The following PNISR variants were observed in gnomAD, a reference collection of about 807,000 sequenced individuals.
PNISR encodes the protein arginine/serine-rich protein PNISR.
In PNISR, 20 loss-of-function variants were observed where a neutral mutation model predicts 93.4. The observed-to-expected ratio is 0.21, with a 90% CI of 0.15 to 0.31. PNISR has a LOEUF of 0.31. Ranked by LOEUF, PNISR falls within the 10% of genes least tolerant of loss-of-function variation. The pLI, the probability that PNISR is intolerant of heterozygous loss-of-function variation, is 1.00. For missense variants in PNISR, 893 were observed against 985.4 expected (o/e 0.91, Z 1.25); for synonymous variants, 305 against 306.5 (o/e 0.99, Z 0.05).
At chr6:99,415,538 A>C (rs1412578629) in intron 2 of PNISR, 1 of 152,156 alleles carries the variant, frequency 6.6e-6, no homozygotes, top group Non-Finnish European at 1.5e-5. Flanking sequence ...TAGTCTGAAA[A>C]CATTCCTAAT....
chr6:99,414,616 T>C lies in PNISR; in HGVS notation c.44A>G (p.Asn15Ser), dbSNP rs1159309291. 2 of 1,609,128 alleles carry C rather than the reference T, an allele frequency of 1.2e-6. No individual in the cohort carries two copies. The highest frequency in any genetic ancestry group is 2.2e-5 in the East Asian group (1 of 44,730). Residue 15 changes from asparagine to serine, a missense_variant, in exon 3 of 12, where the codon AAC becomes AGC. Physicochemically the swap from Asn to Ser is conservative, Grantham distance 46 (BLOSUM62 1). Around this residue, in one of 3 missense-constraint regions of PNISR, gnomAD observed 24 missense variants for 32.9 expected, o/e 0.73. Transcript: ENST00000369239. ...GAATGACTGCATCCATTGTTGCTGG[T>C]TCAAGGGCCACTGCTGCCAAGGCTG... Reference protein sequence around the residue: ...GGQPWQQWPLNQQQWMQSFQH... With the variant: ...GGQPWQQWPLSQQQWMQSFQH...
At chr6:99,422,826 A>G (rs1778744275) in intron 1 of PNISR, among the ~76,000 whole-genome samples, 1 of 136,574 alleles carries the variant, frequency 7.3e-6, no homozygotes. Flanking sequence ...ATGAGCCAAG[A>G]TTGTGCCACC....
chr6:99,400,591 C>G lies in PNISR; in HGVS notation c.2367G>C (p.Arg789Ser). Reference sequence around the variant, plus strand: ...GTTTGCGGCTTGCCTTCTTACCAGACCTTTGAGATTTCTCCACGGATCGCG... The same window carrying G: ...GTTTGCGGCTTGCCTTCTTACCAGAGCTTTGAGATTTCTCCACGGATCGCG... ...SRSRSVEKSQ[R>S]SGKKASRKHK... Residue 789 changes from arginine (R) to serine (S), a missense_variant, in exon 12 of 12, where the codon AGG becomes AGC. Physicochemically the swap from Arg to Ser is moderately radical, Grantham distance 110 (BLOSUM62 -1). Around this residue, in one of 3 missense-constraint regions of PNISR, gnomAD observed 866 missense variants for 935.1 expected, o/e 0.93. Coordinates refer to ENST00000369239, the MANE Select transcript of PNISR (RefSeq NM_032870.4). 6.2e-7 allele frequency: 1 copy of G among 1,614,006 alleles called. No homozygotes were observed. Among genetic ancestry groups the G allele is most frequent in the Non-Finnish European group, 8.5e-7 (1 of 1,179,980 alleles).
In PNISR at chr6:99,400,343, A is replaced by G. The variant is rs1026926398; in HGVS notation, c.*197T>C. ...AAAAAGGGAAAAGACAAAATTTAAA[A>G]ATAAAAATGTATTTTAAATTAAAAA... On this transcript the variant is annotated 3_prime_UTR_variant, in exon 12 of 12. Transcript: ENST00000369239. 12 of 1,168,722 alleles carry G rather than the reference A, an allele frequency of 1.0e-5. No homozygotes were observed. The highest frequency in any genetic ancestry group is 1.6e-5 in the African/African-American group (1 of 63,054). 72.4% of individuals were successfully genotyped at this position (1,168,722 alleles called of 1,614,324 possible).
At chr6:99,421,225 G>A (rs1778510843) in intron 1 of PNISR, among the ~76,000 whole-genome samples, 1 of 152,116 alleles carries the variant, frequency 6.6e-6, no homozygotes, top group African/African-American at 2.4e-5. Flanking sequence ...AACAAATGGG[G>A]TCTGGGAAGA....
At chr6:99,415,312 TTTTGGA>T in intron 2 of PNISR, 1 of 152,292 alleles carries the variant, frequency 6.6e-6, no homozygotes, top group South Asian at 2.1e-4. Flanking sequence ...CCAACTGAGC[TTTTGGA>T]TTTTACTTCC....
chr6:99,422,028 GATA>G (rs1778633886), intron 1 of PNISR, among the ~76,000 whole-genome samples: 1 of 152,030 alleles, frequency 6.6e-6, no homozygotes, highest in Admixed American at 6.6e-5. Context: ...ACCGCGCGAG[GATA>G]ATGTTTGTAT....
rs1776408744 is a variant in PNISR at position 99,408,269 on chromosome 6, C to T, written c.676G>A (p.Ala226Thr). 3.1e-6 allele frequency: 5 copies of T among 1,595,376 alleles called. No individual in the cohort carries two copies. Among genetic ancestry groups the T allele is most frequent in the African/African-American group, 1.4e-5 (1 of 73,840 alleles). ...PVKQEPPQID[A>T]VKRRTLPAWI... is the part of the protein sequence containing the mutation. ...GCGGGAAGAGTCCTGCGTTTTACTG[C>T]GTCTGTTTCACGTGGGAAAAATATA... The change falls in exon 7 of 12, where the codon GCA (alanine) becomes ACA (threonine). Residue 226 changes from alanine (A) to threonine (T), a missense_variant and splice_region_variant. Ala to Thr is a moderately conservative substitution (Grantham distance 58, BLOSUM62 0). Around this residue, in one of 3 missense-constraint regions of PNISR, gnomAD observed 866 missense variants for 935.1 expected, o/e 0.93. Coordinates refer to ENST00000369239, the MANE Select transcript of PNISR (RefSeq NM_032870.4).
At chr6:99,408,310 T>C (rs1274189019) in intron 6 of PNISR, 39 bp from the exon 7 acceptor site, 2 of 1,385,390 alleles carry the variant, frequency 1.4e-6, no homozygotes, top group Non-Finnish European at 1.0e-6. Context: ...GTCAGTTAAG[T>C]AAAATATTTC....
chr6:99,407,273 T>A (rs1254834287), intron 7 of PNISR, among the ~76,000 whole-genome samples: 2 of 151,416 alleles, frequency 1.3e-5, no homozygotes, highest in East Asian at 3.9e-4. Flanking sequence ...TGAGCTATGA[T>A]TGTGCAACTG....
chr6:99,405,372 CAGG>C (rs1292714565), intron 8 of PNISR, among the ~76,000 whole-genome samples: 1 of 151,994 alleles, frequency 6.6e-6, no homozygotes. Flanking sequence ...GAGGCAGAGG[CAGG>C]AGAACTGCTT....
rs1453788005 is a variant in PNISR at position 99,398,671 on chromosome 6, T to C, written c.*1869A>G. On this transcript the variant is annotated 3_prime_UTR_variant, in exon 12 of 12. Coordinates refer to ENST00000369239, the MANE Select transcript of PNISR (RefSeq NM_032870.4). ...TAGCCAACAGAATTTTTCTGTAGAA[T>C]TTTATTTTGAAAATATTTCACTTCA... 6.6e-6 allele frequency: 1 copy of C among 152,156 alleles called. No individual in the cohort carries two copies. The highest frequency in any genetic ancestry group is 1.9e-4 in the East Asian group (1 of 5,194). The allele number at this position is 152,156 out of a possible 1,614,324, so 9.4% of individuals were successfully genotyped here.
chr6:99,404,976 AC>A (rs1339426753), intron 8 of PNISR, among the ~76,000 whole-genome samples: 1 of 151,990 alleles, frequency 6.6e-6, no homozygotes, highest in Non-Finnish European at 1.5e-5. Flanking sequence ...ATGGGGTTTC[AC>A]CATGTTGGCC....
Position 99,401,571 on chromosome 6 carries a change from G to T in PNISR, c.1387C>A (p.Gln463Lys). ...KEMNEFIHKE[Q>K]NSLSLLEARE... ...GCTTCTAGTAGTGATAAACTATTTT[G>T]CTCTTTATGGATAAATTCATTCATC... The change falls in exon 12 of 12, where the codon CAA (glutamine) becomes AAA (lysine). Residue 463 changes from glutamine (Q) to lysine (K), a missense_variant. Transcript: ENST00000369239. 1.3e-6 allele frequency: 2 copies of T among 1,585,832 alleles called. No homozygotes were observed. The highest frequency in any genetic ancestry group is 8.5e-7 in the Non-Finnish European group (1 of 1,171,962).
intron 1 of PNISR, among the ~76,000 whole-genome samples, chr6:99,417,678 G>T (rs1051070844): frequency 1.3e-5 from 2 of 152,052 alleles, no homozygotes; most frequent in Admixed American, 6.5e-5. Flanking sequence ...TAAAAAAAAG[G>T]TGATCGGCCG....
intron 1 of PNISR, among the ~76,000 whole-genome samples, chr6:99,421,991 G>A (rs1375146624): frequency 3.3e-5 from 5 of 151,782 alleles, no homozygotes; most frequent in East Asian, 1.9e-4. Context: ...TCAGCCTCCC[G>A]AGTAGCTGGG....
intron 1 of PNISR, among the ~76,000 whole-genome samples, chr6:99,424,292 C>G (rs997615210): frequency 7.2e-5 from 11 of 152,094 alleles, no homozygotes; most frequent in Non-Finnish European, 1.2e-4. Context: ...TCATTAGTTG[C>G]AACAAATGTA....
intron 5 of PNISR, 32 bp downstream of exon 5, chr6:99,410,709 C>G (rs1020219302): frequency 1.3e-6 from 2 of 1,498,402 alleles, no homozygotes; most frequent in Non-Finnish European, 1.9e-6. Context: ...ACGTGCACAT[C>G]TACAATATTA....
At chr6:99,409,091 A>G (rs1582796691) in intron 6 of PNISR, 82 bp downstream of exon 6, 1 of 1,159,132 alleles carries the variant, frequency 8.6e-7, no homozygotes, top group South Asian at 1.3e-5. Context: ...TACTCAAACA[A>G]TTTTAAGAAA....
Sources: allele counts gnomAD v4.1 joint callset (sites outside exome capture counted in the v4.1 genomes callset), GRCh38; gene constraint gnomAD v4.1.1; regional missense constraint gnomAD v4.1.1; transcripts MANE v1.5; gene names NCBI Gene and HGNC (gene_info 2026-07-23, HGNC 2026-07-21).